BRD1: variants seen among roughly 807,000 people sequenced by gnomAD.
BRD1 encodes the protein bromodomain containing 1, also known as bromodomain-containing protein 1.
A neutral mutation model predicts 107.7 loss-of-function variants in BRD1; 24 were observed. The ratio of observed to expected loss-of-function variants is 0.22; its 90% CI spans 0.16 to 0.31. The LOEUF is 0.31. BRD1 is among the 10% of genes least tolerant of loss of function. The pLI, the probability that BRD1 is intolerant of heterozygous loss-of-function variation, is 1.00. For synonymous variants in BRD1, 744 were observed against 686.1 expected, an observed-to-expected ratio of 1.08 and a Z score of -1.32; for missense variants, 1,279 against 1,638.6, an observed-to-expected ratio of 0.78 and a Z score of 3.79.
In BRD1 at chr22:49,774,320, C is replaced by T; in HGVS notation, c.3483G>A (p.Lys1161=). ...MMEGRNSSIR[K]AVRIAFDRAM... ...CGCGGTCAAAAGCGATCCGCACGGC[C>T]TTCCGGATGCTGGAATTCCTCCCTT... is the stretch of plus-strand genomic sequence containing the variant. Residue 1161 remains lysine, a synonymous_variant, in exon 13 of 13, where the codon AAG becomes AAA. Coordinates refer to ENST00000404760, the MANE Select transcript of BRD1 (RefSeq NM_001304808.3). 1 of 1,614,216 alleles carries T rather than the reference C, an allele frequency of 6.2e-7. No individual in the cohort carries two copies. Among genetic ancestry groups the T allele is most frequent in the Non-Finnish European group, 8.5e-7 (1 of 1,180,038 alleles).
chr22:49,798,609 C>T lies in BRD1; in HGVS notation c.1734G>A (p.Leu578=), dbSNP rs760184121. 6.2e-7 allele frequency: 1 copy of T among 1,614,154 alleles called. No homozygotes were observed. The highest frequency in any genetic ancestry group is 8.5e-7 in the Non-Finnish European group (1 of 1,180,026). ...ATATCCTGGCGGGGTCCTTGTCTTG[C>T]AGCTGGTCCAGCACTGAGCGCAGCA... ...TVLLRSVLDQ[L]QDKDPARIFA... is the part of the protein sequence containing the mutation. The change falls in exon 5 of 13, where the codon CTG becomes CTA. Residue 578 remains leucine, a synonymous_variant. Transcript: ENST00000404760.
intron 3 of BRD1, among the ~76,000 whole-genome samples, chr22:49,801,819 T>A (rs1251554415): frequency 6.6e-6 from 1 of 152,050 alleles, no homozygotes; most frequent in Non-Finnish European, 1.5e-5. Context: ...CCCTCCCCCT[T>A]CCCTTGCCTG....
intron 7 of BRD1, among the ~76,000 whole-genome samples, chr22:49,789,065 G>A (rs1269523230): frequency 1.3e-5 from 2 of 152,310 alleles, no homozygotes; most frequent in African/African-American, 4.8e-5. Flanking sequence ...CGGCTGCGAG[G>A]TGCCTCTGAT....
chr22:49,775,509 A>C, intron 12 of BRD1, 82 bp downstream of exon 12: 1 of 1,246,716 alleles, frequency 8.0e-7, no homozygotes, highest in South Asian at 3.3e-5. Context: ...GACGCTGCTC[A>C]CCACAGGGAC....
intron 4 of BRD1, 52 bp downstream of exon 4, chr22:49,798,936 C>T: frequency 6.5e-7 from 1 of 1,550,110 alleles, no homozygotes; most frequent in Non-Finnish European, 8.7e-7. Context: ...CAGCGTCCCA[C>T]CCACGCCCCG....
rs184639990 is a variant in BRD1, at chr22:49,776,043, T to C, written c.3231+7A>G. 16,903 of 1,539,542 alleles carry C rather than the reference T, an allele frequency of 0.011. 152 individuals are homozygous for C. Among genetic ancestry groups the C allele is most frequent in the South Asian group, 0.02 (1,750 of 88,448 alleles). On this transcript the variant is annotated splice_region_variant and intron_variant, in intron 11 of 12. Transcript: ENST00000404760. Reference sequence around the variant, plus strand: ...GGACCCGCAGGCGCCACGAGAGCCGTACTCACCAGTGCCGGGTAGGAGGGG... The same window carrying C: ...GGACCCGCAGGCGCCACGAGAGCCGCACTCACCAGTGCCGGGTAGGAGGGG...
At chr22:49,793,153 C>T (rs887407013) in intron 7 of BRD1, among the ~76,000 whole-genome samples, 5 of 152,206 alleles carry the variant, frequency 3.3e-5, no homozygotes, top group African/African-American at 1.2e-4. Flanking sequence ...GTGTCAAGGT[C>T]AACTGCAGAG....
rs543675932 is a variant in BRD1 at position 49,774,650 on chromosome 22, C to T, written c.3387-234G>A. 3.2e-4 allele frequency among the ~76,000 whole-genome samples: 49 copies of T among 152,328 alleles called. 2 individuals carry two copies. In the South Asian group the frequency reaches 9.9e-3, roughly 31 times the overall value. ...AAGTAAGGCATAAAAACCATCACCTCCTCCTCCACCTCCAAAACGTTTCCC... is the reference window on the plus strand; with the variant it reads ...AAGTAAGGCATAAAAACCATCACCTTCTCCTCCACCTCCAAAACGTTTCCC... On this transcript the variant is annotated intron_variant, in intron 12 of 12. Transcript: ENST00000404760.
rs1228851767 is a variant in BRD1, at chr22:49,826,326, C to T, written c.-15+1171G>A. 3.3e-6 allele frequency: 3 copies of T among 914,232 alleles called. No homozygotes were observed. The African/African-American group carries it at 5.4e-5, about 16-fold the overall frequency. 56.6% of individuals were successfully genotyped at this position (914,232 alleles called of 1,614,324 possible). A position where few individuals can be genotyped will look rare whatever the true frequency, so the allele number is the denominator to read the frequency against. On this transcript the variant is annotated intron_variant, in intron 1 of 12. Transcript: ENST00000404760. Reference sequence around the variant, plus strand: ...CTTCACGGCCACAGCAGCTCCATACCCTCAACATGCAACTGGGACCCGGGG... The same window carrying T: ...CTTCACGGCCACAGCAGCTCCATACTCTCAACATGCAACTGGGACCCGGGG...
At chr22:49,776,521 A>G (rs1295109168) in intron 10 of BRD1, among the ~76,000 whole-genome samples, 7 of 152,170 alleles carry the variant, frequency 4.6e-5, no homozygotes, top group Non-Finnish European at 4.4e-5. Context: ...CCCAAATGGG[A>G]AACCAAAGTC....
At position 49,823,778 on chromosome 22, in the gene BRD1, G is replaced by C. The variant is rs372788569; in HGVS notation, c.540C>G (p.Ala180=). The part of the protein sequence containing the change: ...NEKRKGDCVP[A]VSQSMFEFLM... The stretch of plus-strand genomic sequence containing the variant: ...GGAACTCAAACATGCTCTGCGACAC[G>C]GCGGGGACGCAGTCGCCCTTGCGCT... The change falls in exon 2 of 13, where the codon GCC becomes GCG. Residue 180 remains alanine (A), a synonymous_variant. Coordinates refer to ENST00000404760, the MANE Select transcript of BRD1 (RefSeq NM_001304808.3). 5.6e-6 allele frequency: 9 copies of C among 1,614,140 alleles called. No individual in the cohort carries two copies. The highest frequency in any genetic ancestry group is 1.7e-5 in the Admixed American group (1 of 60,034).
At chr22:49,813,608 G>A (rs1896300713) in intron 2 of BRD1, among the ~76,000 whole-genome samples, 1 of 151,448 alleles carries the variant, frequency 6.6e-6, no homozygotes, top group Non-Finnish European at 1.5e-5. Flanking sequence ...CGAGGTGGGC[G>A]ATCACTTGAG....
chr22:49,803,397 G>A lies in BRD1; in HGVS notation c.1524+807C>T, dbSNP rs758102078. Among the ~76,000 whole-genome samples the A allele has an allele frequency of 2.8e-4, 42 of 152,342 alleles. No individual in the cohort carries two copies. The highest frequency in any genetic ancestry group is 7.2e-4 in the Admixed American group (11 of 15,308). ...CCAAGAGGCACTCAGGCCACGCGACGCCAGCAGCAGACAGCTCTTCCAAAA... is the reference window on the plus strand; with the variant it reads ...CCAAGAGGCACTCAGGCCACGCGACACCAGCAGCAGACAGCTCTTCCAAAA... On this transcript the variant is annotated intron_variant, in intron 3 of 12. Coordinates refer to ENST00000404760, the MANE Select transcript of BRD1 (RefSeq NM_001304808.3). The surrounding 1 kb of genome is among the most constrained non-coding windows in gnomAD (Gnocchi z 4.4).
intron 2 of BRD1, among the ~76,000 whole-genome samples, chr22:49,814,875 G>A (rs148703635): frequency 6.6e-6 from 1 of 152,234 alleles, no homozygotes; most frequent in African/African-American, 2.4e-5. Context: ...AAAGTGAAGA[G>A]AGACAGAAAT....
intron 7 of BRD1, 86 bp from the exon 8 acceptor site, chr22:49,787,973 A>T (rs2059361874): frequency 6.5e-6 from 8 of 1,238,232 alleles, no homozygotes; most frequent in Non-Finnish European, 7.7e-6. Context: ...GAAGTCCACC[A>T]AAATACTAAT....
intron 12 of BRD1, among the ~76,000 whole-genome samples, chr22:49,774,870 C>T (rs150532054): frequency 2.0e-5 from 3 of 152,358 alleles, no homozygotes; most frequent in East Asian, 1.9e-4. Context: ...AAGAGAAAGA[C>T]GGTAGGGATG....
At chr22:49,810,198 T>C (rs1194502889) in intron 2 of BRD1, among the ~76,000 whole-genome samples, 1 of 152,028 alleles carries the variant, frequency 6.6e-6, no homozygotes, top group African/African-American at 2.4e-5. Flanking sequence ...TAGACTGCTA[T>C]CAGGTAAAGG....
chr22:49,823,780 C>G lies in BRD1; in HGVS notation c.538G>C (p.Ala180Pro). 6.2e-7 allele frequency: 1 copy of G among 1,614,130 alleles called. No homozygotes were observed. The highest frequency in any genetic ancestry group is 8.5e-7 in the Non-Finnish European group (1 of 1,180,052). ...NEKRKGDCVP[A>P]VSQSMFEFLM... Reference sequence around the variant, plus strand: ...AACTCAAACATGCTCTGCGACACGGCGGGGACGCAGTCGCCCTTGCGCTTC... The same window carrying G: ...AACTCAAACATGCTCTGCGACACGGGGGGGACGCAGTCGCCCTTGCGCTTC... The change falls in exon 2 of 13, where the codon GCC becomes CCC. Residue 180 changes from alanine to proline, a missense_variant. By Grantham distance (27) the Ala-to-Pro change is conservative. Transcript: ENST00000404760.
At chr22:49,810,797 G>A (rs115333597) in intron 2 of BRD1, among the ~76,000 whole-genome samples, 2,902 of 152,280 alleles carry the variant, frequency 0.019, 83 homozygotes, top group African/African-American at 0.066. Flanking sequence ...AAAGGACAGC[G>A]CCTGAGAATA....
Sources: gnomAD v4.1 joint callset for allele counts (sites outside exome capture counted in the v4.1 genomes callset) on GRCh38, gnomAD v4.1.1 for gene constraint, Gnocchi (gnomAD v3.1) non-coding constraint, MANE v1.5 for transcripts, NCBI Gene and HGNC (gene_info 2026-07-23, HGNC 2026-07-21) for gene names.